The following AJAP1 variants were observed in gnomAD, a reference collection of about 807,000 sequenced individuals.
AJAP1 encodes the protein adherens junction-associated protein 1.
In AJAP1, 5 loss-of-function variants were observed where a neutral mutation model predicts 35.0. That is an observed-to-expected ratio of 0.14 (90% confidence interval 0.07 to 0.30). The LOEUF (loss-of-function observed/expected upper bound fraction) is 0.30, where lower values mean the gene tolerates loss of function less well. AJAP1 is among the 10% of genes least tolerant of loss of function. The probability of loss-of-function intolerance (pLI) is 1.00; values close to 1 mark genes in which losing one functional copy is unlikely to be tolerated. For missense variants in AJAP1, 586 were observed against 571.0 expected (o/e 1.03, Z -0.27); for synonymous variants, 284 against 249.3 (o/e 1.14, Z -1.31).
chr1:4,772,484 C>G lies in AJAP1; in HGVS notation c.1122C>G (p.His374Gln). 1 of 1,614,224 alleles carries G rather than the reference C, an allele frequency of 6.2e-7. No homozygotes were observed. Among genetic ancestry groups the G allele is most frequent in the Non-Finnish European group, 8.5e-7 (1 of 1,180,044 alleles). Residue 374 changes from histidine to glutamine, a missense_variant, in exon 4 of 6, where the codon CAC becomes CAG. Physicochemically the swap from His to Gln is conservative, Grantham distance 24. Coordinates refer to ENST00000378191, the MANE Select transcript of AJAP1 (RefSeq NM_018836.4). The stretch of plus-strand genomic sequence containing the variant: ...CCGTGTACACCGATGAGACGCTGCA[C>G]TCGACGACGGGGGAGTACAAATCCA... ...SVPVYTDETL[H>Q]STTGEYKSTF...
At chr1:4,668,972 C>T (rs1325496861) in intron 1 of AJAP1, among the ~76,000 whole-genome samples, 3 of 152,160 alleles carry the variant, frequency 2.0e-5, no homozygotes, top group African/African-American at 7.2e-5. Flanking sequence ...AGGAGATAGT[C>T]AGAGTCAGTC....
intron 2 of AJAP1, among the ~76,000 whole-genome samples, chr1:4,715,094 G>A (rs1448389875): frequency 2.6e-5 from 4 of 152,298 alleles, no homozygotes; most frequent in Non-Finnish European, 4.4e-5. Context: ...GGAGTGCTGG[G>A]ACAGAGGGCT....
At chr1:4,725,297 C>T (rs1237907834) in intron 2 of AJAP1, among the ~76,000 whole-genome samples, 1 of 152,192 alleles carries the variant, frequency 6.6e-6, no homozygotes, top group Non-Finnish European at 1.5e-5. Flanking sequence ...TGGGCACTCA[C>T]TTCCCGTGTG....
intron 1 of AJAP1, among the ~76,000 whole-genome samples, chr1:4,709,230 T>TGGTGGGGCCTGGTGGGGGCC: frequency 4.8e-5 from 1 of 20,948 alleles, no homozygotes; most frequent in Non-Finnish European, 1.0e-4. Context: ...TGGTGGGGGC[T>TGGTGGGGCCTGGTGGGGGCC]GGTGGGGCCT....
At chr1:4,724,874 G>GAAA (rs1640613208) in intron 2 of AJAP1, among the ~76,000 whole-genome samples, 1 of 152,246 alleles carries the variant, frequency 6.6e-6, no homozygotes, top group East Asian at 1.9e-4. Context: ...GGGTGACAAT[G>GAAA]TGCCGTGCTT....
At position 4,667,242 on chromosome 1, in the gene AJAP1, G is replaced by T. The variant is rs181626911; in HGVS notation, c.29+11788G>T. Among the ~76,000 whole-genome samples, 26 of 152,238 alleles carry T rather than the reference G, an allele frequency of 1.7e-4. 2 individuals are homozygous for T. The East Asian group carries it at 4.5e-3, about 26-fold the overall frequency. On this transcript the variant is annotated intron_variant, in intron 1 of 5. Coordinates refer to ENST00000378191, the MANE Select transcript of AJAP1 (RefSeq NM_018836.4). ...CAGGCTCTGCTTTTACTCAGAATTA[G>T]TCTGAGGGAAAATGCCAGCCTAGAC... is the stretch of plus-strand genomic sequence containing the variant.
intron 1 of AJAP1, among the ~76,000 whole-genome samples, chr1:4,701,452 G>A (rs1421272002): frequency 6.6e-6 from 1 of 152,192 alleles, no homozygotes; most frequent in African/African-American, 2.4e-5. Flanking sequence ...ATGGAGAGCT[G>A]CATGGCCTGC....
intron 1 of AJAP1, among the ~76,000 whole-genome samples, chr1:4,701,822 C>T (rs1639995149): frequency 1.3e-5 from 2 of 152,182 alleles, no homozygotes; most frequent in East Asian, 1.9e-4. Context: ...TGATGTGCCG[C>T]TGGGCTGTGA....
chr1:4,751,739 T>C (rs1041626299), intron 2 of AJAP1, among the ~76,000 whole-genome samples: 8 of 152,240 alleles, frequency 5.3e-5, no homozygotes. Context: ...TGTCCAGGAA[T>C]ACAGAGTGCA....
In AJAP1 at chr1:4,723,358, A is replaced by C. The variant is rs1224882163; in HGVS notation, c.829+10659A>C. Reference sequence around the variant, plus strand: ...CGGGGGCTGGTGCAGCCCGGAGTAGAAGCTCAGCGGAGCCTCGGGTGTGTG... The same window carrying C: ...CGGGGGCTGGTGCAGCCCGGAGTAGCAGCTCAGCGGAGCCTCGGGTGTGTG... On this transcript the variant is annotated intron_variant, in intron 2 of 5. Coordinates refer to ENST00000378191, the MANE Select transcript of AJAP1 (RefSeq NM_018836.4). The surrounding 1 kb of genome is among the most constrained non-coding windows in gnomAD (Gnocchi z 4.3). Among the ~76,000 whole-genome samples, 1 of 152,160 alleles carries C rather than the reference A, an allele frequency of 6.6e-6. No homozygotes were observed. The highest frequency in any genetic ancestry group is 2.4e-5 in the African/African-American group (1 of 41,430).
chr1:4,730,192 T>C (rs1197039803), intron 2 of AJAP1, among the ~76,000 whole-genome samples: 1 of 152,190 alleles, frequency 6.6e-6, no homozygotes, highest in Non-Finnish European at 1.5e-5. Flanking sequence ...TTTCCATGAT[T>C]GCTAATCGTT....
intron 2 of AJAP1, among the ~76,000 whole-genome samples, chr1:4,731,279 C>T (rs564008777): frequency 6.0e-4 from 91 of 152,280 alleles, no homozygotes; most frequent in African/African-American, 1.9e-3. Context: ...CGGAGTTTCA[C>T]CATGTTGGCC....
intron 1 of AJAP1, among the ~76,000 whole-genome samples, chr1:4,700,106 C>A (rs148180901): frequency 6.6e-6 from 1 of 152,172 alleles, no homozygotes; most frequent in Non-Finnish European, 1.5e-5. Flanking sequence ...CCCCGAGCTC[C>A]GGAAGGGGCC....
At chr1:4,756,322 G>A (rs1201190232) in intron 2 of AJAP1, among the ~76,000 whole-genome samples, 2 of 152,218 alleles carry the variant, frequency 1.3e-5, no homozygotes, top group African/African-American at 2.4e-5. Context: ...CCGCACCGTG[G>A]CATCCCTGGC....
intron 5 of AJAP1, among the ~76,000 whole-genome samples, chr1:4,780,334 T>G (rs368148894): frequency 2.6e-5 from 4 of 151,562 alleles, no homozygotes; most frequent in East Asian, 2.0e-4. Flanking sequence ...AATTCTACTC[T>G]TCGTCTCTGT....
intron 2 of AJAP1, among the ~76,000 whole-genome samples, chr1:4,747,026 G>A (rs1245249821): frequency 1.3e-5 from 2 of 152,222 alleles, no homozygotes; most frequent in South Asian, 2.1e-4. Flanking sequence ...CCGTGTTCAC[G>A]TGAGGTCACC....
Position 4,783,713 on chromosome 1 carries a change from C to T in AJAP1, c.*1228C>T, listed in dbSNP as rs1642114751. The T allele has an allele frequency of 6.6e-6, 1 of 151,206 alleles. No individual in the cohort carries two copies. Among genetic ancestry groups the T allele is most frequent in the Non-Finnish European group, 1.5e-5 (1 of 67,904 alleles). The allele number at this position is 151,206 out of a possible 1,614,324, so 9.4% of individuals were successfully genotyped here. On this transcript the variant is annotated 3_prime_UTR_variant, in exon 6 of 6. Coordinates refer to ENST00000378191, the MANE Select transcript of AJAP1 (RefSeq NM_018836.4). ...CCCCTGGTTGGGTGGGTGGTGGATT[C>T]TTGGACGTGTGTGTCATACAAGCAT...
chr1:4,712,056 G>A lies in AJAP1; in HGVS notation c.186G>A (p.Arg62=). 2 of 1,586,156 alleles carry A rather than the reference G, an allele frequency of 1.3e-6. No individual in the cohort carries two copies. The highest frequency in any genetic ancestry group is 1.7e-6 in the Non-Finnish European group (2 of 1,170,392). The part of the protein sequence containing the change: ...LLPRSPPRPP[R]LWSFRSGQPA... ...CGCGGTCGCCGCCCCGGCCGCCCCG[G>A]CTGTGGAGTTTTAGGAGTGGACAGC... is the stretch of plus-strand genomic sequence containing the variant. The change falls in exon 2 of 6, where the codon CGG becomes CGA. Residue 62 remains arginine, a synonymous_variant. Coordinates refer to ENST00000378191, the MANE Select transcript of AJAP1 (RefSeq NM_018836.4).
intron 1 of AJAP1, among the ~76,000 whole-genome samples, chr1:4,660,809 G>A (rs909709649): frequency 6.6e-6 from 1 of 152,168 alleles, no homozygotes; most frequent in African/African-American, 2.4e-5. Context: ...AACGTGCAGT[G>A]TTGCTAATGT....
Sources: allele counts gnomAD v4.1 joint callset (sites outside exome capture counted in the v4.1 genomes callset), GRCh38; gene constraint gnomAD v4.1.1; non-coding constraint Gnocchi (gnomAD v3.1); transcripts MANE v1.5; gene names NCBI Gene and HGNC (gene_info 2026-07-23, HGNC 2026-07-21).